The following RIMOC1 variants were observed in gnomAD, a reference collection of about 807,000 sequenced individuals.
RIMOC1 encodes the protein RAB7A interacting MON1-CCZ1 complex subunit 1.
At chr5:41,915,728 G>T in the RIMOC1 span, among the ~76,000 whole-genome samples, 17 of 152,148 alleles carry the variant, frequency 1.1e-4, no homozygotes, top group African/African-American at 4.1e-4. Flanking sequence ...CCGCCTCCAT[G>T]ATTCAGTTAT....
the RIMOC1 span, among the ~76,000 whole-genome samples, chr5:41,908,653 AG>A: frequency 4.6e-5 from 7 of 152,090 alleles, no homozygotes; most frequent in Non-Finnish European, 1.0e-4. Flanking sequence ...AACTGTTTTA[AG>A]TTTGGCAGGT....
chr5:41,917,399 C>T, the RIMOC1 span: 1 of 1,440,824 alleles, frequency 6.9e-7, no homozygotes, highest in East Asian at 2.5e-5. Flanking sequence ...AATATGAGAA[C>T]ATTACACTGC....
chr5:41,909,968 TTTTC>T, the RIMOC1 span: 2 of 1,218,452 alleles, frequency 1.6e-6, no homozygotes, highest in African/African-American at 3.2e-5. Context: ...GTCTATATTT[TTTTC>T]TTCTTGATTG....
chr5:41,904,801 A>C, the RIMOC1 span, among the ~76,000 whole-genome samples: 6 of 152,240 alleles, frequency 3.9e-5, no homozygotes, highest in African/African-American at 1.4e-4. Context: ...GCTAAGATGA[A>C]TGATAACACT....
the RIMOC1 span, chr5:41,919,216 C>T: frequency 6.6e-6 from 1 of 152,124 alleles, no homozygotes; most frequent in Non-Finnish European, 1.5e-5. Context: ...GTCAAGTCCT[C>T]ATCTGTTATA....
chr5:41,921,116 T>C, the RIMOC1 span: 1 of 152,568 alleles, frequency 6.6e-6, no homozygotes, highest in Non-Finnish European at 1.5e-5. Flanking sequence ...ACTAAAGACT[T>C]TTCTTTCTTC....
chr5:41,910,038 C>T, the RIMOC1 span: 2 of 608,276 alleles, frequency 3.3e-6, no homozygotes, highest in Non-Finnish European at 5.5e-6. Flanking sequence ...CTTAACACTT[C>T]AGACCAATGT....
the RIMOC1 span, among the ~76,000 whole-genome samples, chr5:41,913,719 T>C: frequency 6.6e-6 from 1 of 152,214 alleles, no homozygotes; most frequent in South Asian, 2.1e-4. Context: ...TGGATTGTTC[T>C]ATTTGAAAGC....
the RIMOC1 span, chr5:41,911,102 G>A: frequency 3.1e-6 from 5 of 1,610,138 alleles, no homozygotes; most frequent in Admixed American, 1.7e-5. Context: ...GAGACGAGGA[G>A]CCCTGCTGTA....
chr5:41,911,988 A>C, the RIMOC1 span: 1 of 893,516 alleles, frequency 1.1e-6, no homozygotes, highest in South Asian at 1.4e-5. Context: ...TCTTGAGTAA[A>C]GAATGGAAAA....
chr5:41,911,783 T>C, the RIMOC1 span, among the ~76,000 whole-genome samples: 6 of 152,204 alleles, frequency 3.9e-5, no homozygotes, highest in Non-Finnish European at 8.8e-5. Flanking sequence ...ATTCTTTTCT[T>C]CCTCTGATAA....
the RIMOC1 span, among the ~76,000 whole-genome samples, chr5:41,915,618 T>C: frequency 2.0e-5 from 3 of 152,082 alleles, no homozygotes; most frequent in Non-Finnish European, 4.4e-5. Context: ...TACATGGCGG[T>C]GGCAAGAGAG....
chr5:41,911,153 T>C, the RIMOC1 span: 1 of 1,605,574 alleles, frequency 6.2e-7, no homozygotes, highest in Admixed American at 1.7e-5. Flanking sequence ...AGAGTGGCTC[T>C]TAAGAAAATC....
the RIMOC1 span, chr5:41,916,594 A>C: frequency 7.2e-6 from 3 of 419,204 alleles, no homozygotes; most frequent in Non-Finnish European, 9.6e-6. Flanking sequence ...ATTATCCTAG[A>C]GCATACCCCA....
the RIMOC1 span, chr5:41,919,516 G>A: frequency 6.6e-6 from 1 of 152,188 alleles, no homozygotes; most frequent in Non-Finnish European, 1.5e-5. Context: ...GTTTTCTTAT[G>A]AAAATACCTT....
At chr5:41,912,473 T>C in the RIMOC1 span, among the ~76,000 whole-genome samples, 2 of 152,182 alleles carry the variant, frequency 1.3e-5, no homozygotes, top group Non-Finnish European at 2.9e-5. Flanking sequence ...CACACTGCTA[T>C]AAAGATACTA....
the RIMOC1 span, chr5:41,917,519 A>G: frequency 8.2e-7 from 1 of 1,217,474 alleles, no homozygotes. Flanking sequence ...GTGTTGTTCA[A>G]ACTCACCTTA....
the RIMOC1 span, chr5:41,917,757 A>G: frequency 1.1e-6 from 1 of 926,134 alleles, no homozygotes; most frequent in Non-Finnish European, 1.3e-6. Context: ...AAATGTAGGC[A>G]AAATGAAAGA....
At chr5:41,911,316 A>G in the RIMOC1 span, 3 of 715,408 alleles carry the variant, frequency 4.2e-6, no homozygotes, top group South Asian at 3.2e-5. Flanking sequence ...TAGCTGGGTA[A>G]TCATAAATAA....
Sources: allele counts gnomAD v4.1 joint callset (sites outside exome capture counted in the v4.1 genomes callset), GRCh38; gene constraint gnomAD v4.1.1; transcripts MANE v1.5; gene names NCBI Gene and HGNC (gene_info 2026-07-23, HGNC 2026-07-21).